Variants in TBX2 observed in about 807,000 individuals in gnomAD.
The protein encoded by TBX2 is T-box transcription factor 2.
A neutral mutation model predicts 48.4 loss-of-function variants in TBX2; 19 were observed. The observed-to-expected ratio is 0.39, with a 90% confidence interval of 0.27 to 0.58. TBX2 has a LOEUF of 0.58. Among genes scored for constraint, TBX2 ranks in the 20% least tolerant of loss-of-function variants. TBX2 has a pLI of 0.54. For missense variants in TBX2, 994 were observed against 1,006.5 expected, an observed-to-expected ratio of 0.99 and a Z score of 0.17; for synonymous variants, 522 against 459.7, an observed-to-expected ratio of 1.14 and a Z score of -1.73.
chr17:61,405,839 AAG>A lies in TBX2; in HGVS notation c.1686+4_1686+5del. 1 of 1,309,320 alleles carries A rather than the reference AAG, an allele frequency of 7.6e-7. No homozygotes were observed. The highest frequency in any genetic ancestry group is 9.7e-7 in the Non-Finnish European group (1 of 1,035,564). 81.1% of individuals were successfully genotyped at this position (1,309,320 alleles called of 1,614,324 possible). A position where few individuals can be genotyped will look rare whatever the true frequency, so the allele number is the denominator to read the frequency against. On this transcript the variant is annotated splice_donor_5th_base_variant and intron_variant, in intron 6 of 6. Coordinates refer to ENST00000240328, the MANE Select transcript of TBX2 (RefSeq NM_005994.4). ...CCCAGCACATGCTGGCATCTCAGGT[AAG>A]GCCTGTGACCCCGCGGCAGCGCCAG...
Position 61,403,339 on chromosome 17 carries a change from C to A in TBX2, c.810+132C>A. The A allele has an allele frequency of 2.1e-6, 3 of 1,397,250 alleles. No homozygotes were observed. Among genetic ancestry groups the A allele is most frequent in the Non-Finnish European group, 2.9e-6 (3 of 1,046,950 alleles). The allele number at this position is 1,397,250 out of a possible 1,614,324, so 86.6% of individuals were successfully genotyped here. A position where few individuals can be genotyped will look rare whatever the true frequency, so the allele number is the denominator to read the frequency against. On this transcript the variant is annotated intron_variant, in intron 3 of 6. Transcript: ENST00000240328. The surrounding 1 kb of genome is among the most constrained non-coding windows in gnomAD (Gnocchi z 5.8). The stretch of plus-strand genomic sequence containing the variant: ...GCTCTTGCGGCCCGCCCCCGAGCAC[C>A]GAGCCTCGCATCCATACGCGCAGCA...
rs148828518 is a variant in TBX2, at chr17:61,406,184, G to C, written c.1686+348G>C. On this transcript the variant is annotated intron_variant, in intron 6 of 6. Transcript: ENST00000240328. The surrounding 1 kb of genome is among the most constrained non-coding windows in gnomAD (Gnocchi z 5.7). Reference sequence around the variant, plus strand: ...CACAGACCAGGGCCACCCCTGGCTTGTGAAGTCTTCTCTCCTGGCCTCAGG... The same window carrying C: ...CACAGACCAGGGCCACCCCTGGCTTCTGAAGTCTTCTCTCCTGGCCTCAGG... The C allele has an allele frequency of 7.3e-4, 186 of 256,084 alleles. No homozygotes were observed. Among genetic ancestry groups the C allele is most frequent in the African/African-American group, 4.0e-3 (183 of 45,312 alleles). 15.9% of individuals were successfully genotyped at this position (256,084 alleles called of 1,614,324 possible). A position where few individuals can be genotyped will look rare whatever the true frequency, so the allele number is the denominator to read the frequency against.
Position 61,405,825 on chromosome 17 carries a change from C to A in TBX2, c.1675C>A (p.Leu559Met). ...PFPFHLSQHM[L>M]ASQGIPMPTF... ...CCCGTTCCACCTCTCCCAGCACATG[C>A]TGGCATCTCAGGTAAGGCCTGTGAC... Residue 559 changes from leucine to methionine, a missense_variant, in exon 6 of 7, where the codon CTG becomes ATG. Physicochemically the swap from Leu to Met is conservative, Grantham distance 15. Coordinates refer to ENST00000240328, the MANE Select transcript of TBX2 (RefSeq NM_005994.4). The A allele has an allele frequency of 7.6e-7, 1 of 1,319,314 alleles. No individual in the cohort carries two copies. The allele number at this position is 1,319,314 out of a possible 1,614,324, so 81.7% of individuals were successfully genotyped here.
In TBX2 at chr17:61,408,178, G is replaced by C; in HGVS notation, c.1811G>C (p.Gly604Ala). Reference sequence around the variant, plus strand: ...GCAGCTGCCGCCGCCGCAGCCGCCGGCTCCCTCTCCCGGAGCCCCTTCCTG... The same window carrying C: ...GCAGCTGCCGCCGCCGCAGCCGCCGCCTCCCTCTCCCGGAGCCCCTTCCTG... The part of the protein sequence containing the change: ...SAAAAAAAAA[G>A]SLSRSPFLGS... Residue 604 changes from glycine (G) to alanine (A), a missense_variant, in exon 7 of 7, where the codon GGC becomes GCC. Gly to Ala is a moderately conservative substitution (Grantham distance 60). Around this residue, in one of 5 missense-constraint regions of TBX2, gnomAD observed 639 missense variants for 613.2 expected, o/e 1.04. Transcript: ENST00000240328. 1 of 1,612,720 alleles carries C rather than the reference G, an allele frequency of 6.2e-7. No individual in the cohort carries two copies. Among genetic ancestry groups the C allele is most frequent in the South Asian group, 1.1e-5 (1 of 91,044 alleles).
Position 61,400,655 on chromosome 17 carries a change from G to T in TBX2, c.395+84G>T. 4.5e-6 allele frequency: 6 copies of T among 1,337,902 alleles called. No individual in the cohort carries two copies. The highest frequency in any genetic ancestry group is 1.4e-5 in the South Asian group (1 of 71,758). 82.9% of individuals were successfully genotyped at this position (1,337,902 alleles called of 1,614,324 possible). A position where few individuals can be genotyped will look rare whatever the true frequency, so the allele number is the denominator to read the frequency against. ...CTGCACGGATCAGAGCAGAGCTGGGGACTCCCGGCTCCCGGCTCCCGGCTC... is the reference window on the plus strand; with the variant it reads ...CTGCACGGATCAGAGCAGAGCTGGGTACTCCCGGCTCCCGGCTCCCGGCTC... On this transcript the variant is annotated intron_variant, in intron 1 of 6. Transcript: ENST00000240328. This position sits in a 1 kb window ranked among gnomAD's most constrained non-coding sequence, Gnocchi z 9.2.
rs776810510 is a variant in TBX2, at chr17:61,405,381, A to G, written c.1231A>G (p.Ser411Gly). The change falls in exon 6 of 7, where the codon AGC becomes GGC. Residue 411 changes from serine to glycine, a missense_variant. Physicochemically the swap from Ser to Gly is moderately conservative, Grantham distance 56. This residue lies in a region of TBX2 where 639 missense variants were observed against 613.2 expected (regional missense o/e 1.04). Coordinates refer to ENST00000240328, the MANE Select transcript of TBX2 (RefSeq NM_005994.4). ...CGAGAGGGGCAAGGAGCCGGCCGAG[A>G]GCGGCGGGGACGGCCCGTTCGGCCT... The part of the protein sequence containing the change: ...SPERGKEPAE[S>G]GGDGPFGLRS... 101 of 1,525,634 alleles carry G rather than the reference A, an allele frequency of 6.6e-5. No individual in the cohort carries two copies. Among genetic ancestry groups the G allele is most frequent in the Non-Finnish European group, 8.6e-5 (98 of 1,140,626 alleles). The allele number at this position is 1,525,634 out of a possible 1,614,324, so 94.5% of individuals were successfully genotyped here.
Position 61,405,700 on chromosome 17 carries a change from G to T in TBX2, c.1550G>T (p.Gly517Val), listed in dbSNP as rs537498833. Residue 517 changes from glycine to valine, a missense_variant, in exon 6 of 7, where the codon GGC (glycine) becomes GTC (valine). Around this residue, in one of 5 missense-constraint regions of TBX2, gnomAD observed 639 missense variants for 613.2 expected, o/e 1.04. Coordinates refer to ENST00000240328, the MANE Select transcript of TBX2 (RefSeq NM_005994.4). ...GGTCACCTACTGGCCTCGGTGGCAG[G>T]CGGCGGCAACGGCGGAGGTGGCGGG... ...GMGHLLASVA[G>V]GGNGGGGGPG... 1 of 1,379,412 alleles carries T rather than the reference G, an allele frequency of 7.2e-7. No individual in the cohort carries two copies. Among genetic ancestry groups the T allele is most frequent in the African/African-American group, 1.5e-5 (1 of 65,882 alleles). 85.4% of individuals were successfully genotyped at this position (1,379,412 alleles called of 1,614,324 possible).
In TBX2 at chr17:61,400,083, C is replaced by A; in HGVS notation, c.-94C>A. 3.1e-6 allele frequency: 2 copies of A among 642,394 alleles called. No individual in the cohort carries two copies. Among genetic ancestry groups the A allele is most frequent in the South Asian group, 6.7e-5 (1 of 15,006 alleles). The allele number at this position is 642,394 out of a possible 1,614,324, so 39.8% of individuals were successfully genotyped here. Reference sequence around the variant, plus strand: ...TGCTGCGCCCGCCACCCGGGTCGTCCGTCCACCGCGCGCGCCGCCGCCCGG... The same window carrying A: ...TGCTGCGCCCGCCACCCGGGTCGTCAGTCCACCGCGCGCGCCGCCGCCCGG... On this transcript the variant is annotated 5_prime_UTR_variant, in exon 1 of 7. Transcript: ENST00000240328. The surrounding 1 kb of genome is among the most constrained non-coding windows in gnomAD (Gnocchi z 9.2).
At chr17:61,402,963 A>AGGGAGG (rs1569015389) in intron 2 of TBX2, 98 bp from the exon 3 acceptor site, 2 of 176,552 alleles carry the variant, frequency 1.1e-5, no homozygotes, top group Non-Finnish European at 1.8e-5. Flanking sequence ...AGAGAGAGAG[A>AGGGAGG]GAGAGAGAAA....
chr17:61,402,378 C>A (rs1603240999), intron 2 of TBX2, among the ~76,000 whole-genome samples: 1 of 152,206 alleles, frequency 6.6e-6, no homozygotes, highest in Non-Finnish European at 1.5e-5. Flanking sequence ...GGCCCTCCCC[C>A]AAGACTAGGG....
chr17:61,403,341 A>G lies in TBX2; in HGVS notation c.810+134A>G, dbSNP rs2060273128. On this transcript the variant is annotated intron_variant, in intron 3 of 6. Transcript: ENST00000240328. This position sits in a 1 kb window ranked among gnomAD's most constrained non-coding sequence, Gnocchi z 5.8. ...TCTTGCGGCCCGCCCCCGAGCACCG[A>G]GCCTCGCATCCATACGCGCAGCACT... The G allele has an allele frequency of 7.2e-7, 1 of 1,392,054 alleles. No homozygotes were observed. Among genetic ancestry groups the G allele is most frequent in the Middle Eastern group, 2.5e-4 (1 of 4,010 alleles). The allele number at this position is 1,392,054 out of a possible 1,614,324, so 86.2% of individuals were successfully genotyped here. A position where few individuals can be genotyped will look rare whatever the true frequency, so the allele number is the denominator to read the frequency against.
chr17:61,402,317 T>G (rs1345310889), intron 2 of TBX2, among the ~76,000 whole-genome samples: 1 of 152,240 alleles, frequency 6.6e-6, no homozygotes, highest in Non-Finnish European at 1.5e-5. Flanking sequence ...TTGGAAGACC[T>G]GCCCATGACC....
rs1197079712 is a variant in TBX2 at position 61,406,045 on chromosome 17, C to T, written c.1686+209C>T. 3 of 462,626 alleles carry T rather than the reference C, an allele frequency of 6.5e-6. No individual in the cohort carries two copies. The highest frequency in any genetic ancestry group is 4.0e-5 in the African/African-American group (2 of 49,546). 28.7% of individuals were successfully genotyped at this position (462,626 alleles called of 1,614,324 possible). On this transcript the variant is annotated intron_variant, in intron 6 of 6. Transcript: ENST00000240328. This position sits in a 1 kb window ranked among gnomAD's most constrained non-coding sequence, Gnocchi z 5.7. Reference sequence around the variant, plus strand: ...TTGTAAGTCCAGGGGCTGGCCAGGGCGCCGCTTCTGACTCCCGTGTGACCT... The same window carrying T: ...TTGTAAGTCCAGGGGCTGGCCAGGGTGCCGCTTCTGACTCCCGTGTGACCT...
rs551335956 is a variant in TBX2 at position 61,403,408 on chromosome 17, A to G, written c.810+201A>G. 1.3e-5 allele frequency among the ~76,000 whole-genome samples: 2 copies of G among 152,262 alleles called. No homozygotes were observed. Among genetic ancestry groups the G allele is most frequent in the Non-Finnish European group, 2.9e-5 (2 of 68,044 alleles). ...GCGCCCTCTCAATCCCACCGCGCGC[A>G]CACACAGGCTCCCCTGGGGCGAGCG... On this transcript the variant is annotated intron_variant, in intron 3 of 6. Transcript: ENST00000240328. This position sits in a 1 kb window ranked among gnomAD's most constrained non-coding sequence, Gnocchi z 5.8.
In TBX2 at chr17:61,403,067, C is replaced by G. The variant is rs763398451; in HGVS notation, c.670C>G (p.Leu224Val). 2.5e-6 allele frequency: 4 copies of G among 1,612,366 alleles called. No homozygotes were observed. The highest frequency in any genetic ancestry group is 3.4e-6 in the Non-Finnish European group (4 of 1,179,790). The change falls in exon 3 of 7, where the codon CTA (leucine) becomes GTA (valine). Residue 224 changes from leucine to valine, a missense_variant. This residue lies in a region of TBX2 where 153 missense variants were observed against 166.2 expected (regional missense o/e 0.92). Transcript: ENST00000240328. The surrounding 1 kb of genome is among the most constrained non-coding windows in gnomAD (Gnocchi z 5.8). ...NISDKHGFTI[L>V]NSMHKYQPRF... ...ACCCCCACCCTCCCCGCAGACCATC[C>G]TAAACTCCATGCACAAGTACCAGCC...
chr17:61,402,952 GAGAGAGAGAGAGAGAGAGAA>G, intron 2 of TBX2, 89 bp from the exon 3 acceptor site: 2 of 1,089,414 alleles, frequency 1.8e-6, no homozygotes, highest in Non-Finnish European at 1.2e-6. Flanking sequence ...GAGAGAGAGA[GAGAGAGAGAGAGAGAGAGAA>G]AGTGGAGAGG....
chr17:61,405,459 A>G lies in TBX2; in HGVS notation c.1309A>G (p.Lys437Glu). 1 of 1,576,020 alleles carries G rather than the reference A, an allele frequency of 6.3e-7. No homozygotes were observed. Among genetic ancestry groups the G allele is most frequent in the Non-Finnish European group, 8.6e-7 (1 of 1,164,826 alleles). ...AGCTCGGAGGAAGGACGAGGGGCGC[A>G]AGGAGGCGGCCGAGGGCAAGGAGCA... is the stretch of plus-strand genomic sequence containing the variant. ...AEARRKDEGR[K>E]EAAEGKEQGL... is the part of the protein sequence containing the mutation. The change falls in exon 6 of 7, where the codon AAG becomes GAG. Residue 437 changes from lysine to glutamate, a missense_variant. Around this residue, in one of 5 missense-constraint regions of TBX2, gnomAD observed 639 missense variants for 613.2 expected, o/e 1.04. Transcript: ENST00000240328.
chr17:61,401,698 C>A lies in TBX2; in HGVS notation c.410C>A (p.Pro137His), dbSNP rs771628572. The change falls in exon 2 of 7, where the codon CCC (proline) becomes CAC (histidine). Residue 137 changes from proline to histidine, a missense_variant. By Grantham distance (77) the Pro-to-His change is moderately conservative (BLOSUM62 -2). Around this residue, in one of 5 missense-constraint regions of TBX2, gnomAD observed 153 missense variants for 166.2 expected, o/e 0.92. Coordinates refer to ENST00000240328, the MANE Select transcript of TBX2 (RefSeq NM_005994.4). ...CTCCCTCCCAGGCGGATGTTCCCCC[C>A]CTTCAAGGTGCGAGTCAGCGGCCTG... ...ITKSGRRMFP[P>H]FKVRVSGLDK... is the part of the protein sequence containing the mutation. 2 of 1,612,224 alleles carry A rather than the reference C, an allele frequency of 1.2e-6. No homozygotes were observed. Among genetic ancestry groups the A allele is most frequent in the East Asian group, 2.2e-5 (1 of 44,886 alleles).
At position 61,408,366 on chromosome 17, in the gene TBX2, G is replaced by A. The variant is rs753824335; in HGVS notation, c.1999G>A (p.Val667Ile). The change falls in exon 7 of 7, where the codon GTA becomes ATA. Residue 667 changes from valine to isoleucine, a missense_variant. Around this residue, in one of 5 missense-constraint regions of TBX2, gnomAD observed 639 missense variants for 613.2 expected, o/e 1.04. Coordinates refer to ENST00000240328, the MANE Select transcript of TBX2 (RefSeq NM_005994.4). ...SPLPELALRK[V>I]GAPSRGALSP... ...CCTGCCCGAGCTGGCTCTCCGCAAA[G>A]TAGGGGCCCCATCCCGCGGTGCCCT... 7.0e-6 allele frequency: 11 copies of A among 1,581,840 alleles called. No individual in the cohort carries two copies. The highest frequency in any genetic ancestry group is 8.6e-6 in the Non-Finnish European group (10 of 1,165,168).
Sources: gnomAD v4.1 joint callset for allele counts (sites outside exome capture counted in the v4.1 genomes callset) on GRCh38, gnomAD v4.1.1 for gene constraint, gnomAD v4.1.1 regional missense constraint, Gnocchi (gnomAD v3.1) non-coding constraint, MANE v1.5 for transcripts, NCBI Gene and HGNC (gene_info 2026-07-23, HGNC 2026-07-21) for gene names.